The following PARD3B variants were observed in gnomAD, a reference collection of about 807,000 sequenced individuals.
PARD3B encodes the protein par-3 family cell polarity regulator beta.
A neutral mutation model predicts 130.2 loss-of-function variants in PARD3B; 103 were observed. That is an observed-to-expected ratio of 0.79 (90% CI 0.67 to 0.93). The LOEUF (loss-of-function observed/expected upper bound fraction) is 0.93. PARD3B is among the 40% of genes least tolerant of loss of function. PARD3B has a pLI of 0.00. For synonymous variants in PARD3B, 583 were observed against 553.2 expected, an observed-to-expected ratio of 1.05 and a Z score of -0.76; for missense variants, 1,609 against 1,499.2, an observed-to-expected ratio of 1.07 and a Z score of -1.21.
Position 204,739,101 on chromosome 2 carries a change from T to A in PARD3B, c.222+52819T>A, listed in dbSNP as rs536123913. ...ACTTTTTAATCTACTTACTGGCATGTGTATGTTAGTTCTCTGTGCTTTATC... is the reference window on the plus strand; with the variant it reads ...ACTTTTTAATCTACTTACTGGCATGAGTATGTTAGTTCTCTGTGCTTTATC... On this transcript the variant is annotated intron_variant, in intron 2 of 22. Transcript: ENST00000406610. 2.0e-5 allele frequency among the ~76,000 whole-genome samples: 3 copies of A among 152,294 alleles called. No individual in the cohort carries two copies. In the East Asian group the frequency reaches 5.8e-4, roughly 29 times the overall value.
chr2:205,548,264 C>T (rs140938611), intron 21 of PARD3B, among the ~76,000 whole-genome samples: 313 of 152,196 alleles, frequency 2.1e-3, no homozygotes, highest in African/African-American at 7.3e-3. Context: ...GTATGCTGAA[C>T]GTTTCCCAAT....
chr2:204,656,728 A>C (rs1313972271), intron 1 of PARD3B, among the ~76,000 whole-genome samples: 1 of 152,186 alleles, frequency 6.6e-6, no homozygotes, highest in Non-Finnish European at 1.5e-5. Flanking sequence ...TACCTTCTAC[A>C]TTCTAAATAT....
At chr2:205,035,829 C>G (rs12618598) in intron 3 of PARD3B, among the ~76,000 whole-genome samples, 3 of 18,628 alleles carry the variant, frequency 1.6e-4, no homozygotes, top group African/African-American at 6.6e-4. Flanking sequence ...ATCTATATAT[C>G]TATATATATA....
chr2:204,834,696 A>G (rs761081251), intron 2 of PARD3B, among the ~76,000 whole-genome samples: 2 of 152,232 alleles, frequency 1.3e-5, no homozygotes, highest in African/African-American at 4.8e-5. Context: ...TGTAGCTGGC[A>G]AAAGGAAAAT....
At chr2:205,462,124 T>C (rs965099574) in intron 20 of PARD3B, among the ~76,000 whole-genome samples, 2 of 152,210 alleles carry the variant, frequency 1.3e-5, no homozygotes, top group Non-Finnish European at 2.9e-5. Context: ...TGCATTAGTC[T>C]TTGGAAAGCT....
At chr2:205,315,615 G>T (rs2042538562) in intron 18 of PARD3B, among the ~76,000 whole-genome samples, 2 of 152,092 alleles carry the variant, frequency 1.3e-5, no homozygotes, top group Admixed American at 6.6e-5. Context: ...ATTTAGTTTG[G>T]CATTCAATGC....
At chr2:205,355,800 G>A (rs1271505941) in intron 18 of PARD3B, among the ~76,000 whole-genome samples, 1 of 152,184 alleles carries the variant, frequency 6.6e-6, no homozygotes, top group Non-Finnish European at 1.5e-5. Flanking sequence ...AATGATGGCA[G>A]AAAGCGAAGG....
chr2:205,341,911 A>G lies in PARD3B; in HGVS notation c.2630+40210A>G, dbSNP rs1464720897. On this transcript the variant is annotated intron_variant, in intron 18 of 22. Transcript: ENST00000406610. The surrounding 1 kb of genome is among the most constrained non-coding windows in gnomAD (Gnocchi z 4.3). ...AATAGGTAAATAATATATAAAAGAT[A>G]CAGTAAAAATACAATATTATAATCT... 6.6e-6 allele frequency among the ~76,000 whole-genome samples: 1 copy of G among 152,176 alleles called. No homozygotes were observed. The highest frequency in any genetic ancestry group is 1.9e-4 in the East Asian group (1 of 5,204).
At chr2:204,789,589 A>G (rs1048257353) in intron 2 of PARD3B, among the ~76,000 whole-genome samples, 11 of 152,232 alleles carry the variant, frequency 7.2e-5, no homozygotes, top group Non-Finnish European at 1.3e-4. Context: ...TAATTCTGCA[A>G]TGAAGCAAGA....
chr2:205,218,108 G>A (rs1048401789), intron 15 of PARD3B, among the ~76,000 whole-genome samples: 22 of 151,388 alleles, frequency 1.5e-4, no homozygotes, highest in African/African-American at 5.3e-4. Flanking sequence ...GGTCAGGCTG[G>A]TCTCGAACTC....
intron 16 of PARD3B, among the ~76,000 whole-genome samples, chr2:205,279,070 C>CAAAAAAAAAAAAA (rs57717513): frequency 2.6e-5 from 1 of 38,868 alleles, no homozygotes; most frequent in African/African-American, 9.6e-5. Context: ...GAATCTGTCT[C>CAAAAAAAAAAAAA]AAAAAAAAAA....
chr2:204,937,309 T>A (rs1483668722), intron 2 of PARD3B, among the ~76,000 whole-genome samples: 1 of 152,242 alleles, frequency 6.6e-6, no homozygotes, highest in Non-Finnish European at 1.5e-5. Flanking sequence ...TTCAGCACTG[T>A]TGCCCCTCTG....
chr2:205,444,922 G>C (rs1040271741), intron 20 of PARD3B, among the ~76,000 whole-genome samples: 1 of 152,152 alleles, frequency 6.6e-6, no homozygotes, highest in African/African-American at 2.4e-5. Context: ...TTAATTTAGA[G>C]AGAACAGTTT....
chr2:205,152,410 G>A, intron 10 of PARD3B, among the ~76,000 whole-genome samples: 1 of 152,270 alleles, frequency 6.6e-6, no homozygotes, highest in Middle Eastern at 3.4e-3. Flanking sequence ...CAGACACAGA[G>A]TTGGTCTTTT....
chr2:204,791,751 A>G (rs1356903339), intron 2 of PARD3B, among the ~76,000 whole-genome samples: 1 of 152,234 alleles, frequency 6.6e-6, no homozygotes, highest in Non-Finnish European at 1.5e-5. Flanking sequence ...TGCAAGGGCC[A>G]GAGCCATTAT....
rs1172987818 is a variant in PARD3B at position 205,276,110 on chromosome 2, TC to T, written c.2186-24418del. On this transcript the variant is annotated intron_variant, in intron 16 of 22. Coordinates refer to ENST00000406610, the MANE Select transcript of PARD3B (RefSeq NM_001302769.2). This position sits in a 1 kb window ranked among gnomAD's most constrained non-coding sequence, Gnocchi z 5.0. The stretch of plus-strand genomic sequence containing the variant: ...TGTTGCCTTCATTAAGGATTTCTGT[TC>T]CTGAAATTTGTAATGTACACAGTGA... 6.6e-6 allele frequency among the ~76,000 whole-genome samples: 1 copy of T among 152,218 alleles called. No individual in the cohort carries two copies. The highest frequency in any genetic ancestry group is 1.5e-5 in the Non-Finnish European group (1 of 68,042).
chr2:205,342,273 A>G (rs887244876), intron 18 of PARD3B, among the ~76,000 whole-genome samples: 2 of 152,194 alleles, frequency 1.3e-5, no homozygotes, highest in Non-Finnish European at 2.9e-5. Flanking sequence ...CGTCTCTACA[A>G]TTTAATTTTT....
chr2:205,104,331 G>T, intron 4 of PARD3B, 95 bp from the exon 5 acceptor site: 1 of 852,360 alleles, frequency 1.2e-6, no homozygotes, highest in Non-Finnish European at 2.0e-6. Context: ...TATATCCAGC[G>T]TAAAGCGGTT....
intron 3 of PARD3B, among the ~76,000 whole-genome samples, chr2:204,992,426 C>A (rs1693795137): frequency 7.9e-6 from 1 of 127,238 alleles, no homozygotes; most frequent in Non-Finnish European, 1.6e-5. Context: ...TGTTCTGTTC[C>A]ATTGATCTAT....
Sources: gnomAD v4.1 joint callset for allele counts (sites outside exome capture counted in the v4.1 genomes callset) on GRCh38, gnomAD v4.1.1 for gene constraint, Gnocchi (gnomAD v3.1) non-coding constraint, MANE v1.5 for transcripts, NCBI Gene and HGNC (gene_info 2026-07-23, HGNC 2026-07-21) for gene names.